Variants in PCYT1B observed in about 807,000 individuals in gnomAD.
The protein encoded by PCYT1B is phosphate cytidylyltransferase 1B, choline, also known as choline-phosphate cytidylyltransferase B.
A neutral mutation model predicts 26.4 loss-of-function variants in PCYT1B; 10 were observed. The ratio of observed to expected loss-of-function variants is 0.38; its 90% confidence interval spans 0.23 to 0.64. The LOEUF is 0.64. Ranked by LOEUF, PCYT1B falls within the 30% of genes least tolerant of loss-of-function variation. The pLI, the probability that PCYT1B is intolerant of heterozygous loss-of-function variation, is 0.56. For missense variants in PCYT1B, 161 were observed against 292.7 expected, an observed-to-expected ratio of 0.55 and a Z score of 3.28; for synonymous variants, 131 against 108.4, an observed-to-expected ratio of 1.21 and a Z score of -1.29.
At chrX:24,589,011 T>C (rs190673815) in intron 4 of PCYT1B, among the ~76,000 whole-genome samples, 30 of 111,238 alleles carry the variant, frequency 2.7e-4, no homozygotes, top group Non-Finnish European at 4.7e-4. Flanking sequence ...TCAATTCATA[T>C]AATGACAAGG....
chrX:24,655,907 C>G (rs1449440267), intron 1 of PCYT1B, among the ~76,000 whole-genome samples: 6 of 102,127 alleles, frequency 5.9e-5, no homozygotes, highest in Non-Finnish European at 1.2e-4. Context: ...CACCTGAGGC[C>G]AGGAGTTCCA....
At chrX:24,644,422 C>T (rs1020864180) in intron 1 of PCYT1B, among the ~76,000 whole-genome samples, 2 of 100,327 alleles carry the variant, frequency 2.0e-5, no homozygotes, top group South Asian at 1.0e-3. Flanking sequence ...TTATGTACAT[C>T]TGTATCATAC....
At chrX:24,639,923 T>C (rs890536469) in intron 1 of PCYT1B, among the ~76,000 whole-genome samples, 2 of 111,471 alleles carry the variant, frequency 1.8e-5, no homozygotes, top group African/African-American at 6.5e-5. Flanking sequence ...CCACTGGCTC[T>C]TTCCCATTTA....
chrX:24,652,819 C>T (rs908346989), intron 1 of PCYT1B, among the ~76,000 whole-genome samples: 3 of 111,627 alleles, frequency 2.7e-5, no homozygotes, highest in African/African-American at 9.8e-5. Flanking sequence ...CACGGTGGCT[C>T]ATGCCTGTAA....
chrX:24,622,001 A>T (rs1925714810), intron 1 of PCYT1B: 2 of 119,223 alleles, frequency 1.7e-5, no homozygotes, highest in African/African-American at 6.4e-5. Flanking sequence ...TAGAAGTAGG[A>T]AAGAAGGAGA....
intron 3 of PCYT1B, among the ~76,000 whole-genome samples, chrX:24,598,422 T>A (rs1924851891): frequency 9.0e-6 from 1 of 110,540 alleles, no homozygotes; most frequent in African/African-American, 3.3e-5. Flanking sequence ...AGATAACTAT[T>A]TCTGTTTTTC....
At chrX:24,620,091 T>C (rs937599045) in intron 1 of PCYT1B, among the ~76,000 whole-genome samples, 1 of 112,420 alleles carries the variant, frequency 8.9e-6, no homozygotes, top group African/African-American at 3.2e-5. Flanking sequence ...AATTGTTTCT[T>C]AGAGATGGAG....
At chrX:24,563,802 C>G (rs1923519465) in intron 7 of PCYT1B, among the ~76,000 whole-genome samples, 1 of 111,537 alleles carries the variant, frequency 9.0e-6, no homozygotes, top group Non-Finnish European at 1.9e-5. Context: ...TGCTTGTTTT[C>G]AAAAGACCAT....
chrX:24,593,800 T>C (rs925162307), intron 3 of PCYT1B, among the ~76,000 whole-genome samples: 6 of 111,071 alleles, frequency 5.4e-5, no homozygotes, highest in African/African-American at 1.6e-4. Flanking sequence ...GTGCTGGGAT[T>C]ATAGGCGTGA....
At chrX:24,668,260 GA>G (rs1927167070) in intron 1 of PCYT1B, among the ~76,000 whole-genome samples, 1 of 111,688 alleles carries the variant, frequency 9.0e-6, no homozygotes, top group Admixed American at 9.5e-5. Context: ...GGAGCTGAAA[GA>G]TTTAGTTTCC....
Position 24,655,705 on chromosome X carries a change from C to T in PCYT1B, c.63+16865G>A, listed in dbSNP as rs966447801. 5.4e-4 allele frequency among the ~76,000 whole-genome samples: 60 copies of T among 111,024 alleles called. 1 individual carries two copies. Among genetic ancestry groups the T allele is most frequent in the Non-Finnish European group, 2.5e-4 (13 of 53,005 alleles). ...GGCTGAGGCAGGAGAATCACTTGAA[C>T]CTGGAAGGCGGAGGGTTGCAGTGAG... On this transcript the variant is annotated intron_variant, in intron 1 of 7. Coordinates refer to the PCYT1B transcript ENST00000379145.
chrX:24,636,359 T>A (rs997169585), intron 1 of PCYT1B, among the ~76,000 whole-genome samples: 2 of 112,485 alleles, frequency 1.8e-5, no homozygotes, highest in Admixed American at 9.4e-5. Flanking sequence ...ATGCCTCTAA[T>A]CCCAGCACTT....
rs757734696 is a variant in PCYT1B at position 24,618,999 on chromosome X, C to T, written c.203G>A (p.Arg68His). 9.7e-6 allele frequency: 11 copies of T among 1,138,792 alleles called. No individual in the cohort carries two copies. In the Admixed American group the frequency reaches 1.0e-4, roughly 10 times the overall value. 93.8% of individuals were successfully genotyped at this position (1,138,792 alleles called of 1,213,427 possible). Residue 68 changes from arginine to histidine, a missense_variant, in exon 2 of 8, where the codon CGC (arginine) becomes CAC (histidine). Arg to His is a conservative substitution (Grantham distance 29). Coordinates refer to ENST00000379144, the MANE Select transcript of PCYT1B (RefSeq NM_004845.5). ...TACAGCCTCACCTGGTGTTCCTAAG[C>T]GGGCCTGAGCAATGGTCAGTTTTTC... ...PHEKLTIAQA[R>H]LGTPADRPVR...
chrX:24,560,374 G>C lies in PCYT1B; in HGVS notation c.*1919C>G, dbSNP rs1403513645. 1 of 111,849 alleles carries C rather than the reference G, an allele frequency of 8.9e-6. No homozygotes were observed. Among genetic ancestry groups the C allele is most frequent in the Admixed American group, 9.5e-5 (1 of 10,543 alleles). 9.2% of individuals were successfully genotyped at this position (111,849 alleles called of 1,213,427 possible). The stretch of plus-strand genomic sequence containing the variant: ...AATGGTAGGCAGACTTGCATGGCTT[G>C]ACCTGAGTGCATGATGGAAGACAGA... On this transcript the variant is annotated 3_prime_UTR_variant, in exon 8 of 8. Transcript: ENST00000379144.
intron 7 of PCYT1B, among the ~76,000 whole-genome samples, chrX:24,566,557 AC>A (rs757039323): frequency 8.9e-6 from 1 of 111,855 alleles, no homozygotes; most frequent in African/African-American, 3.2e-5. Flanking sequence ...TCCCTTCTTT[AC>A]TTTCTAATGG....
intron 1 of PCYT1B, among the ~76,000 whole-genome samples, chrX:24,637,509 T>TATATATATAAAA (rs779316769): frequency 6.7e-4 from 43 of 64,068 alleles, no homozygotes; most frequent in East Asian, 2.0e-3. Flanking sequence ...TATATATATA[T>TATATATATAAAA]ATAAATTAGC....
chrX:24,584,624 C>T (rs1156921360), intron 5 of PCYT1B, among the ~76,000 whole-genome samples: 1 of 112,366 alleles, frequency 8.9e-6, no homozygotes, highest in Non-Finnish European at 1.9e-5. Context: ...CCCAGGCTGG[C>T]CCACAAGGAG....
Position 24,620,472 on chromosome X carries a change from G to T in PCYT1B, c.118-1388C>A, listed in dbSNP as rs781660826. 2.7e-5 allele frequency among the ~76,000 whole-genome samples: 3 copies of T among 111,960 alleles called. No individual in the cohort carries two copies. The Admixed American group carries it at 2.8e-4, about 11-fold the overall frequency. ...GAAGCAAACCAAGACTTGGGACAAG[G>T]ATTCAGGAAACTTGGGTTCACTATT... On this transcript the variant is annotated intron_variant, in intron 1 of 7. Transcript: ENST00000379144.
chrX:24,634,687 A>G (rs1926216753), intron 1 of PCYT1B, among the ~76,000 whole-genome samples: 1 of 111,825 alleles, frequency 8.9e-6, no homozygotes, highest in South Asian at 3.7e-4. Flanking sequence ...CAGAGGTTGT[A>G]CTGAGCCAAG....
Sources: allele counts gnomAD v4.1 joint callset (sites outside exome capture counted in the v4.1 genomes callset), GRCh38; gene constraint gnomAD v4.1.1; transcripts MANE v1.5; gene names NCBI Gene and HGNC (gene_info 2026-07-23, HGNC 2026-07-21).